The following TRPM7 variants were observed in gnomAD, a reference collection of about 807,000 sequenced individuals.
TRPM7 encodes LTRPC ion channel family member 7.
Under a neutral mutation model 229.7 loss-of-function variants are expected in TRPM7, and 134 were observed. The ratio of observed to expected loss-of-function variants is 0.58; its 90% CI spans 0.51 to 0.67. The LOEUF (loss-of-function observed/expected upper bound fraction) is 0.67. Among genes scored for constraint, TRPM7 ranks in the 30% least tolerant of loss-of-function variants. The pLI is 0.00. For synonymous variants in TRPM7, 699 were observed against 715.2 expected (o/e 0.98, Z 0.36); for missense variants, 1,901 against 2,210.0 (o/e 0.86, Z 2.80).
At chr15:50,668,181 T>C (rs1028708337) in intron 1 of TRPM7, among the ~76,000 whole-genome samples, 1 of 152,244 alleles carries the variant, frequency 6.6e-6, no homozygotes, top group Non-Finnish European at 1.5e-5. Context: ...TGCAGGTTTC[T>C]GATAACTTTG....
intron 1 of TRPM7, among the ~76,000 whole-genome samples, chr15:50,679,513 T>TATATATATAC (rs2062185689): frequency 3.2e-5 from 2 of 61,878 alleles, no homozygotes; most frequent in African/African-American, 2.0e-4. Context: ...ATATATATAA[T>TATATATATAC]ATATATATAT....
intron 1 of TRPM7, among the ~76,000 whole-genome samples, chr15:50,676,733 C>G (rs2062101449): frequency 6.6e-6 from 1 of 151,982 alleles, no homozygotes; most frequent in Admixed American, 6.6e-5. Flanking sequence ...GCCTAGTGAA[C>G]AGCAAAATAT....
chr15:50,642,793 A>C (rs1376364106), intron 5 of TRPM7, among the ~76,000 whole-genome samples: 1 of 152,152 alleles, frequency 6.6e-6, no homozygotes, highest in Non-Finnish European at 1.5e-5. Flanking sequence ...GTAAATCTTT[A>C]TTCAAGGTTT....
intron 4 of TRPM7, among the ~76,000 whole-genome samples, chr15:50,645,003 G>A (rs895045783): frequency 6.6e-6 from 1 of 151,032 alleles, no homozygotes; most frequent in African/African-American, 2.4e-5. Flanking sequence ...CCAGGCTCAA[G>A]CCATCCTCCC....
chr15:50,680,794 G>A (rs1054926219), intron 1 of TRPM7, among the ~76,000 whole-genome samples: 2 of 152,080 alleles, frequency 1.3e-5, no homozygotes, highest in Non-Finnish European at 2.9e-5. Context: ...ACATGTCCCT[G>A]AATATCAAAA....
At chr15:50,602,267 G>A (rs1365945737) in intron 21 of TRPM7, among the ~76,000 whole-genome samples, 2 of 152,116 alleles carry the variant, frequency 1.3e-5, no homozygotes, top group Non-Finnish European at 2.9e-5. Flanking sequence ...ATCATTCTGA[G>A]CAAACTATTG....
At position 50,575,142 on chromosome 15, in the gene TRPM7, C is replaced by A; in HGVS notation, c.4736-7G>T. ...TACACTGTGACAGGCTCCCCTGCAA[C>A]ACAAATGGAAAAAGTTTAAGATTAA... On this transcript the variant is annotated splice_region_variant and splice_polypyrimidine_tract_variant and intron_variant, in intron 33 of 38. Coordinates refer to ENST00000646667, the MANE Select transcript of TRPM7 (RefSeq NM_017672.6). The A allele has an allele frequency of 1.3e-6, 2 of 1,547,642 alleles. No individual in the cohort carries two copies. Among genetic ancestry groups the A allele is most frequent in the Non-Finnish European group, 1.7e-6 (2 of 1,146,908 alleles).
rs148604677 is a variant in TRPM7, at chr15:50,577,617, C to T, written c.4618+1022G>A. 1.1e-3 allele frequency among the ~76,000 whole-genome samples: 163 copies of T among 152,154 alleles called. No individual in the cohort carries two copies. In the East Asian group the frequency reaches 0.012, roughly 11 times the overall value. On this transcript the variant is annotated intron_variant, in intron 31 of 38. Coordinates refer to ENST00000646667, the MANE Select transcript of TRPM7 (RefSeq NM_017672.6). ...TGAGAAGCAAAACTACAGGCAGGGA[C>T]CCCAAACTGGTATAACCACTCTGAA...
At chr15:50,608,109 A>C (rs1160855962) in intron 19 of TRPM7, among the ~76,000 whole-genome samples, 1 of 151,764 alleles carries the variant, frequency 6.6e-6, no homozygotes, top group Non-Finnish European at 1.5e-5. Context: ...AAGACAAGAC[A>C]AGACAGACAG....
intron 21 of TRPM7, among the ~76,000 whole-genome samples, chr15:50,601,775 G>C (rs547726273): frequency 1.5e-4 from 23 of 152,068 alleles, no homozygotes; most frequent in African/African-American, 5.3e-4. Flanking sequence ...TTAGGTTGAT[G>C]CAAAAGTAAT....
At chr15:50,680,752 A>AT (rs2062223496) in intron 1 of TRPM7, among the ~76,000 whole-genome samples, 1 of 152,204 alleles carries the variant, frequency 6.6e-6, no homozygotes, top group African/African-American at 2.4e-5. Flanking sequence ...TTAACTTGAC[A>AT]TAACACCTGT....
chr15:50,635,722 G>C (rs1204416244), intron 7 of TRPM7, among the ~76,000 whole-genome samples: 1 of 144,928 alleles, frequency 6.9e-6, no homozygotes, highest in East Asian at 2.0e-4. Context: ...GCTCATGCCT[G>C]TAATTGCAGT....
chr15:50,567,383 T>A (rs2053648756), intron 38 of TRPM7, among the ~76,000 whole-genome samples: 1 of 152,138 alleles, frequency 6.6e-6, no homozygotes, highest in African/African-American at 2.4e-5. Flanking sequence ...CAGGCCAAGA[T>A]GGTTTGACTG....
intron 3 of TRPM7, among the ~76,000 whole-genome samples, chr15:50,650,062 G>A (rs748295606): frequency 3.8e-4 from 58 of 151,548 alleles, no homozygotes; most frequent in Admixed American, 5.3e-4. Context: ...GCATGGTGGC[G>A]CGTGCCTGTA....
At chr15:50,579,420 A>C (rs1030059936) in intron 30 of TRPM7, among the ~76,000 whole-genome samples, 2 of 152,192 alleles carry the variant, frequency 1.3e-5, no homozygotes, top group Admixed American at 1.3e-4. Context: ...TTTTCACCTT[A>C]ATAGAAACAT....
chr15:50,618,184 T>C (rs1466630503), intron 13 of TRPM7, among the ~76,000 whole-genome samples: 10 of 152,132 alleles, frequency 6.6e-5, no homozygotes, highest in South Asian at 6.2e-4. Context: ...ACAATCCTGA[T>C]AGAAGAGGAA....
In TRPM7 at chr15:50,604,899, C is replaced by G. The variant is rs1407999784; in HGVS notation, c.2955G>C (p.Gln985His). 6.2e-7 allele frequency: 1 copy of G among 1,609,666 alleles called. No individual in the cohort carries two copies. Among genetic ancestry groups the G allele is most frequent in the East Asian group, 2.2e-5 (1 of 44,768 alleles). The change falls in exon 21 of 39, where the codon CAG becomes CAC. Residue 985 changes from glutamine to histidine, a missense_variant. By Grantham distance (24) the Gln-to-His change is conservative (BLOSUM62 0). Coordinates refer to ENST00000646667, the MANE Select transcript of TRPM7 (RefSeq NM_017672.6). Reference protein sequence around the residue: ...RLLDFLAVNQQAGPYVMMIGK... With the variant: ...RLLDFLAVNQHAGPYVMMIGK... ...CAATCATCATTACATAAGGTCCTGC[C>G]TGTTGATTTACAGCTAGAAAATCTA... is the stretch of plus-strand genomic sequence containing the variant.
intron 36 of TRPM7, among the ~76,000 whole-genome samples, chr15:50,571,721 TTA>T (rs58353736): frequency 0.34 from 52,235 of 152,178 alleles, 10,351 homozygotes; most frequent in Admixed American, 0.48. Context: ...ACTTTGTTCT[TTA>T]TATATTGCTA....
chr15:50,626,800 A>C (rs1410885752), intron 11 of TRPM7, among the ~76,000 whole-genome samples: 2 of 54,686 alleles, frequency 3.7e-5, no homozygotes, highest in African/African-American at 8.6e-5. Flanking sequence ...CCCATGGTTA[A>C]AAAAAAAAAA....
Sources: allele counts gnomAD v4.1 joint callset (sites outside exome capture counted in the v4.1 genomes callset), GRCh38; gene constraint gnomAD v4.1.1; transcripts MANE v1.5; gene names NCBI Gene and HGNC (gene_info 2026-07-23, HGNC 2026-07-21).